Variants in FAM169A observed in about 807,000 individuals in gnomAD.
FAM169A encodes the protein soluble lamin-associated protein of 75 kDa.
FAM169A carries 24 observed loss-of-function variants against 75.7 expected under a neutral mutation model. The ratio of observed to expected loss-of-function variants is 0.32; its 90% CI spans 0.23 to 0.45. The LOEUF is 0.45. Ranked by LOEUF, FAM169A falls within the 20% of genes least tolerant of loss-of-function variation. The probability of loss-of-function intolerance (pLI) is 1.00; values close to 1 mark genes in which losing one functional copy is unlikely to be tolerated. For missense variants in FAM169A, 673 were observed against 784.0 expected, an observed-to-expected ratio of 0.86 and a Z score of 1.69; for synonymous variants, 271 against 271.0, an observed-to-expected ratio of 1.00 and a Z score of 0.00.
intron 5 of FAM169A, among the ~76,000 whole-genome samples, chr5:74,820,902 C>T (rs1747735362): frequency 1.3e-5 from 2 of 152,162 alleles, no homozygotes; most frequent in African/African-American, 4.8e-5. Context: ...ATACTCTGGC[C>T]ACACTGCTCT....
At chr5:74,810,384 G>A (rs569268316) in intron 6 of FAM169A, among the ~76,000 whole-genome samples, 7 of 152,050 alleles carry the variant, frequency 4.6e-5, no homozygotes, top group Non-Finnish European at 7.4e-5. Flanking sequence ...TCTAGGTTGC[G>A]TCTACAGTAG....
chr5:74,835,185 T>C (rs114856806), intron 4 of FAM169A, among the ~76,000 whole-genome samples: 2,000 of 152,182 alleles, frequency 0.013, 26 homozygotes, highest in Middle Eastern at 0.027. Flanking sequence ...CAAAGAAGTC[T>C]AATAAAAACA....
At chr5:74,854,949 T>G (rs746031827) in intron 1 of FAM169A, among the ~76,000 whole-genome samples, 48 of 152,170 alleles carry the variant, frequency 3.2e-4, no homozygotes, top group Non-Finnish European at 6.2e-4. Context: ...ATATACTGAT[T>G]TCTTTCTTTC....
intron 11 of FAM169A, among the ~76,000 whole-genome samples, chr5:74,783,755 T>G (rs1745530724): frequency 6.6e-6 from 1 of 152,216 alleles, no homozygotes; most frequent in Non-Finnish European, 1.5e-5. Context: ...AACTCTCCAA[T>G]TTCTAAAATT....
intron 6 of FAM169A, among the ~76,000 whole-genome samples, chr5:74,807,069 A>T (rs916664087): frequency 2.1e-4 from 32 of 152,312 alleles, no homozygotes; most frequent in African/African-American, 7.7e-4. Context: ...ATCCAATTCT[A>T]CTTCTAGGTA....
At chr5:74,799,776 G>T in intron 10 of FAM169A, 1 of 1,122,846 alleles carries the variant, frequency 8.9e-7, no homozygotes. Flanking sequence ...CAGCGCCGTG[G>T]CTGCTGGCCA....
chr5:74,864,332 G>C (rs956699768), intron 1 of FAM169A, among the ~76,000 whole-genome samples: 8 of 152,218 alleles, frequency 5.3e-5, no homozygotes, highest in Admixed American at 1.3e-4. Flanking sequence ...CTGGGTTCAA[G>C]TGATTCTTGT....
chr5:74,866,444 C>T, upstream of FAM169A: 1 of 899,684 alleles, frequency 1.1e-6, no homozygotes, highest in Non-Finnish European at 1.3e-6. Context: ...CACCGCGAAT[C>T]CCCCCGCCCG....
At chr5:74,852,651 C>A (rs1375982065) in intron 1 of FAM169A, among the ~76,000 whole-genome samples, 1 of 151,804 alleles carries the variant, frequency 6.6e-6, no homozygotes, top group Non-Finnish European at 1.5e-5. Context: ...TGAAAGTACA[C>A]CGAGAACGGC....
intron 5 of FAM169A, among the ~76,000 whole-genome samples, chr5:74,833,084 G>A (rs1240908238): frequency 6.6e-6 from 1 of 152,042 alleles, no homozygotes; most frequent in African/African-American, 2.4e-5. Flanking sequence ...GGAAGGCTGT[G>A]CCTTTGTGTG....
chr5:74,790,375 G>A (rs1032913335), intron 11 of FAM169A, among the ~76,000 whole-genome samples: 17 of 152,208 alleles, frequency 1.1e-4, no homozygotes, highest in Non-Finnish European at 2.5e-4. Context: ...TTCCAAGGAA[G>A]TAGAAATAGA....
intron 4 of FAM169A, 97 bp from the exon 5 acceptor site, chr5:74,834,694 A>C: frequency 1.0e-6 from 1 of 970,102 alleles, no homozygotes. Context: ...CTCATACTGG[A>C]ATTCAAAGCA....
At chr5:74,841,272 C>T (rs1748848040) in intron 2 of FAM169A, among the ~76,000 whole-genome samples, 1 of 152,086 alleles carries the variant, frequency 6.6e-6, no homozygotes, top group African/African-American at 2.4e-5. Flanking sequence ...TAAAGTAAAT[C>T]TGAAGCAGCT....
At chr5:74,829,030 A>T (rs2112631566) in intron 5 of FAM169A, among the ~76,000 whole-genome samples, 1 of 152,366 alleles carries the variant, frequency 6.6e-6, no homozygotes, top group African/African-American at 2.4e-5. Flanking sequence ...ACAAAGTTCT[A>T]CGCCTGAGGT....
chr5:74,799,702 G>A lies in FAM169A; in HGVS notation c.1103+1178C>T, dbSNP rs969194480. ...GTCTGCTGCTGATGCCTCAAAAAGTGTGCATGTCTCAATCTGAAGACGGAG... is the reference window on the plus strand; with the variant it reads ...GTCTGCTGCTGATGCCTCAAAAAGTATGCATGTCTCAATCTGAAGACGGAG... On this transcript the variant is annotated intron_variant, in intron 10 of 12. Transcript: ENST00000687041. 3.2e-6 allele frequency: 4 copies of A among 1,254,354 alleles called. No individual in the cohort carries two copies. In the South Asian group the frequency reaches 4.8e-5, roughly 15 times the overall value. 77.7% of individuals were successfully genotyped at this position (1,254,354 alleles called of 1,614,324 possible).
chr5:74,783,157 A>G, intron 11 of FAM169A, 23 bp from the exon 12 acceptor site: 1 of 1,549,070 alleles, frequency 6.5e-7, no homozygotes, highest in South Asian at 1.1e-5. Context: ...GAGAGAGGGA[A>G]AAAGTAAGGA....
Position 74,780,695 on chromosome 5 carries a change from A to G in FAM169A, c.*765T>C, listed in dbSNP as rs1008571776. 2.0e-5 allele frequency: 3 copies of G among 152,264 alleles called. No individual in the cohort carries two copies. The highest frequency in any genetic ancestry group is 3.8e-4 in the East Asian group (2 of 5,204). 9.4% of individuals were successfully genotyped at this position (152,264 alleles called of 1,614,324 possible). A position where few individuals can be genotyped will look rare whatever the true frequency, so the allele number is the denominator to read the frequency against. On this transcript the variant is annotated 3_prime_UTR_variant, in exon 13 of 13. Transcript: ENST00000687041. ...AGTCTAAACTTCTAGGCGTCTGCAC[A>G]TATGCAGACAAAAAAAATTACAGCA... is the stretch of plus-strand genomic sequence containing the variant.
intron 1 of FAM169A, among the ~76,000 whole-genome samples, chr5:74,843,331 A>C (rs1485673806): frequency 1.3e-5 from 2 of 152,334 alleles, no homozygotes; most frequent in African/African-American, 4.8e-5. Flanking sequence ...AAATACCTTT[A>C]AGGTTTTATT....
At chr5:74,797,237 C>T (rs997119127) in intron 10 of FAM169A, among the ~76,000 whole-genome samples, 1 of 152,192 alleles carries the variant, frequency 6.6e-6, no homozygotes, top group Non-Finnish European at 1.5e-5. Context: ...AGTGCAGTGG[C>T]GTAATCTTGG....
Sources: gnomAD v4.1 joint callset for allele counts (sites outside exome capture counted in the v4.1 genomes callset) on GRCh38, gnomAD v4.1.1 for gene constraint, MANE v1.5 for transcripts, NCBI Gene and HGNC (gene_info 2026-07-23, HGNC 2026-07-21) for gene names.